B4GALNT3: variants seen among roughly 807,000 people sequenced by gnomAD.
B4GALNT3 encodes beta-1,4-N-acetyl-galactosaminyltransferase 3.
Under a neutral mutation model 120.2 loss-of-function variants are expected in B4GALNT3, and 86 were observed. That is an observed-to-expected ratio of 0.72 (90% CI 0.60 to 0.86). The LOEUF is 0.86. Among genes scored for constraint, B4GALNT3 ranks in the 40% least tolerant of loss-of-function variants. The probability of loss-of-function intolerance (pLI) is 0.00; values close to 1 mark genes in which losing one functional copy is unlikely to be tolerated. For missense variants in B4GALNT3, 1,167 were observed against 1,298.9 expected (o/e 0.90, Z 1.56); for synonymous variants, 518 against 510.4 (o/e 1.01, Z -0.20).
chr12:497,300 C>T (rs953626757), intron 1 of B4GALNT3, among the ~76,000 whole-genome samples: 2 of 152,054 alleles, frequency 1.3e-5, no homozygotes, highest in East Asian at 1.9e-4. Context: ...ATTACAGGCA[C>T]GTGCCACCAT....
At chr12:516,999 G>A (rs61916633) in intron 1 of B4GALNT3, among the ~76,000 whole-genome samples, 7,665 of 152,268 alleles carry the variant, frequency 0.05, 220 homozygotes, top group East Asian at 0.14. Context: ...TTTTGACCTG[G>A]GTGGTTGGAA....
intron 1 of B4GALNT3, among the ~76,000 whole-genome samples, chr12:529,124 C>G (rs2120645932): frequency 6.6e-6 from 1 of 152,288 alleles, no homozygotes; most frequent in South Asian, 2.1e-4. Context: ...CTCTTGCATA[C>G]CCTTGCCCAG....
intron 1 of B4GALNT3, among the ~76,000 whole-genome samples, chr12:472,472 G>A (rs7137274): frequency 0.067 from 10,179 of 152,098 alleles, 594 homozygotes; most frequent in African/African-American, 0.16. Context: ...TTTTTGAGAC[G>A]GAGTCTCGCT....
At chr12:498,130 G>T (rs904940116) in intron 1 of B4GALNT3, among the ~76,000 whole-genome samples, 3 of 152,130 alleles carry the variant, frequency 2.0e-5, no homozygotes, top group Admixed American at 6.6e-5. Flanking sequence ...TGTCTCCTGG[G>T]CTTACTAGTA....
At chr12:510,728 G>A (rs894905604) in intron 1 of B4GALNT3, among the ~76,000 whole-genome samples, 1 of 152,100 alleles carries the variant, frequency 6.6e-6, no homozygotes, top group Non-Finnish European at 1.5e-5. Flanking sequence ...ACAGGGAGTG[G>A]AGATGCTTTG....
chr12:521,741 C>A (rs1207265670), intron 1 of B4GALNT3, among the ~76,000 whole-genome samples: 1 of 152,220 alleles, frequency 6.6e-6, no homozygotes, highest in East Asian at 1.9e-4. Context: ...CGTCCGATTG[C>A]ACTAATTCTA....
chr12:551,668 A>G (rs1210991440), intron 11 of B4GALNT3, among the ~76,000 whole-genome samples: 1 of 152,154 alleles, frequency 6.6e-6, no homozygotes. Context: ...GCAGTGAAGT[A>G]AATAGGAAGA....
At chr12:546,226 G>A (rs530787636) in intron 6 of B4GALNT3, among the ~76,000 whole-genome samples, 8 of 101,884 alleles carry the variant, frequency 7.9e-5, no homozygotes, top group Non-Finnish European at 1.7e-4. Context: ...GGGTGTGGGA[G>A]GAGGGGAGTG....
intron 1 of B4GALNT3, among the ~76,000 whole-genome samples, chr12:511,980 G>T (rs1201430562): frequency 9.3e-6 from 1 of 107,458 alleles, no homozygotes; most frequent in South Asian, 3.4e-4. Context: ...TCCGCCTTCC[G>T]CATTCCGCCT....
intron 17 of B4GALNT3, 129 bp downstream of exon 17, chr12:558,217 G>C (rs1384898662): frequency 1.9e-6 from 2 of 1,044,038 alleles, no homozygotes; most frequent in Admixed American, 2.1e-5. Context: ...GGTCCTCTCT[G>C]CTGTGCTGCA....
At position 555,795 on chromosome 12, in the gene B4GALNT3, T is replaced by A. The variant is rs185689612; in HGVS notation, c.2061-752T>A. On this transcript the variant is annotated intron_variant, in intron 14 of 19. Transcript: ENST00000266383. ...TATTTATTTTTATTTTTATTTATTT[T>A]TTTTTTTGAGACGGAGTCTCGCTCT... Among the ~76,000 whole-genome samples the A allele has an allele frequency of 5.4e-4, 82 of 152,108 alleles. 1 individual carries two copies. Among genetic ancestry groups the A allele is most frequent in the African/African-American group, 1.2e-3 (51 of 41,548 alleles).
intron 1 of B4GALNT3, among the ~76,000 whole-genome samples, chr12:469,460 C>T (rs1248458853): frequency 6.6e-6 from 1 of 152,172 alleles, no homozygotes; most frequent in African/African-American, 2.4e-5. Context: ...TCCAGTGCTT[C>T]TTAAACTTCT....
At chr12:501,710 TA>T (rs548104392) in intron 1 of B4GALNT3, among the ~76,000 whole-genome samples, 64 of 152,340 alleles carry the variant, frequency 4.2e-4, no homozygotes, top group African/African-American at 1.4e-3. Context: ...GATTGTTAAA[TA>T]CAGATGCCCC....
intron 3 of B4GALNT3, among the ~76,000 whole-genome samples, chr12:543,377 G>A (rs1434102280): frequency 6.6e-6 from 1 of 151,254 alleles, no homozygotes; most frequent in South Asian, 2.1e-4. Flanking sequence ...GGCATGGGGT[G>A]CTCATCCTCC....
rs558726337 is a variant in B4GALNT3 at position 532,847 on chromosome 12, TTCATTGTGAGGGTTAG to T, written c.170-2314_170-2299del. On this transcript the variant is annotated intron_variant, in intron 1 of 19. Transcript: ENST00000266383. ...GGCAGCTGAAGACCCACAATGCTAG[TTCATTGTGAGGGTTAG>T]TCATCTCCCCTTGGTGTGACTCCCA... Among the ~76,000 whole-genome samples, 230 of 152,244 alleles carry T rather than the reference TTCATTGTGAGGGTTAG, an allele frequency of 1.5e-3. 1 individual carries two copies. Among genetic ancestry groups the T allele is most frequent in the Non-Finnish European group, 2.3e-3 (155 of 68,004 alleles).
At chr12:512,858 T>TCCTTCCA (rs1426523608) in intron 1 of B4GALNT3, among the ~76,000 whole-genome samples, 3 of 136,052 alleles carry the variant, frequency 2.2e-5, no homozygotes, top group East Asian at 2.3e-4. Flanking sequence ...CCTTCCACCT[T>TCCTTCCA]CCTTCCACCT....
chr12:557,488 T>C lies in B4GALNT3; in HGVS notation c.2381-120T>C, dbSNP rs975493037. 7.3e-6 allele frequency: 7 copies of C among 962,800 alleles called. No homozygotes were observed. In the African/African-American group the frequency reaches 1.2e-4, roughly 16 times the overall value. The allele number at this position is 962,800 out of a possible 1,614,324, so 59.6% of individuals were successfully genotyped here. On this transcript the variant is annotated intron_variant, in intron 15 of 19. Coordinates refer to ENST00000266383, the MANE Select transcript of B4GALNT3 (RefSeq NM_173593.4). ...CTAATGGTTTTGCAGAGTTGCACTG[T>C]CCCCTCAGCCGAGGTCCGATGGGCA...
intron 1 of B4GALNT3, among the ~76,000 whole-genome samples, chr12:511,873 A>C (rs1420342006): frequency 1.5e-4 from 3 of 20,394 alleles, no homozygotes; most frequent in African/African-American, 5.5e-4. Flanking sequence ...TCCACCTTCC[A>C]CCTTCCACCT....
chr12:548,228 C>T lies in B4GALNT3; in HGVS notation c.787-3C>T. 1 of 1,613,906 alleles carries T rather than the reference C, an allele frequency of 6.2e-7. No homozygotes were observed. The highest frequency in any genetic ancestry group is 8.5e-7 in the Non-Finnish European group (1 of 1,179,770). Reference sequence around the variant, plus strand: ...TGCATCTACCCTCTCTCTCCTCTTCCAGTGGCGACGGAACGACCCTGGAGC... The same window carrying T: ...TGCATCTACCCTCTCTCTCCTCTTCTAGTGGCGACGGAACGACCCTGGAGC... On this transcript the variant is annotated splice_region_variant and splice_polypyrimidine_tract_variant and intron_variant, in intron 8 of 19. Transcript: ENST00000266383. This position sits in a 1 kb window ranked among gnomAD's most constrained non-coding sequence, Gnocchi z 4.9.
Sources: gnomAD v4.1 joint callset for allele counts (sites outside exome capture counted in the v4.1 genomes callset) on GRCh38, gnomAD v4.1.1 for gene constraint, Gnocchi (gnomAD v3.1) non-coding constraint, MANE v1.5 for transcripts, NCBI Gene and HGNC (gene_info 2026-07-23, HGNC 2026-07-21) for gene names.